CC2D1A: variants seen among roughly 807,000 people sequenced by gnomAD.
CC2D1A encodes the protein coiled-coil and C2 domain containing 1A, also known as coiled-coil and C2 domain-containing protein 1A.
Under a neutral mutation model 123.8 loss-of-function variants are expected in CC2D1A, and 68 were observed. That is an observed-to-expected ratio of 0.55 (90% CI 0.45 to 0.67). The LOEUF (loss-of-function observed/expected upper bound fraction) is 0.67, where lower values mean the gene tolerates loss of function less well. Ranked by LOEUF, CC2D1A falls within the 30% of genes least tolerant of loss-of-function variation. The probability of loss-of-function intolerance (pLI) is 0.00; values close to 1 mark genes in which losing one functional copy is unlikely to be tolerated. For synonymous variants in CC2D1A, 477 were observed against 528.0 expected, an observed-to-expected ratio of 0.90 and a Z score of 1.32; for missense variants, 1,185 against 1,290.3, an observed-to-expected ratio of 0.92 and a Z score of 1.25.
At chr19:13,919,484 T>C (rs553145203) in intron 11 of CC2D1A, among the ~76,000 whole-genome samples, 1 of 152,250 alleles carries the variant, frequency 6.6e-6, no homozygotes, top group Admixed American at 6.5e-5. Flanking sequence ...ATGTCTGTAA[T>C]CCCAGCACTT....
Position 13,923,149 on chromosome 19 carries a change from C to T in CC2D1A, c.1642-184C>T, listed in dbSNP as rs188454215. On this transcript the variant is annotated intron_variant, in intron 14 of 28. Transcript: ENST00000318003. This position sits in a 1 kb window ranked among gnomAD's most constrained non-coding sequence, Gnocchi z 5.3. ...TGGAAGTTGCAGTGAGCTGAGATCC[C>T]GCCATTGCACTCCAGCCTGGGCAAC... 1.3e-3 allele frequency among the ~76,000 whole-genome samples: 198 copies of T among 151,596 alleles called. No homozygotes were observed. Among genetic ancestry groups the T allele is most frequent in the East Asian group, 0.011 (55 of 5,152 alleles).
intron 1 of CC2D1A, among the ~76,000 whole-genome samples, chr19:13,907,301 C>T (rs750698439): frequency 6.6e-6 from 1 of 151,754 alleles, no homozygotes; most frequent in Non-Finnish European, 1.5e-5. Context: ...AGTACTACTA[C>T]TTGGGAGGCT....
chr19:13,913,262 G>A lies in CC2D1A; in HGVS notation c.473G>A (p.Gly158Glu). The change falls in exon 5 of 29, where the codon GGA (glycine) becomes GAA (glutamate). Residue 158 changes from glycine to glutamate, a missense_variant. Transcript: ENST00000318003. ...QTAIESARQA[G>E]DSAKMRRYDR... ...GCAATTGAAAGCGCCAGACAAGCTGGAGACAGCGCCAAGATGCGGCGCTAC... is the reference window on the plus strand; with the variant it reads ...GCAATTGAAAGCGCCAGACAAGCTGAAGACAGCGCCAAGATGCGGCGCTAC... 6.2e-7 allele frequency: 1 copy of A among 1,613,786 alleles called. No individual in the cohort carries two copies. Among genetic ancestry groups the A allele is most frequent in the South Asian group, 1.1e-5 (1 of 91,054 alleles).
chr19:13,910,384 G>C (rs1390795928), intron 2 of CC2D1A, among the ~76,000 whole-genome samples: 1 of 148,514 alleles, frequency 6.7e-6, no homozygotes, highest in African/African-American at 2.5e-5. Context: ...CTACAGCCTG[G>C]GCGACAGAGC....
intron 2 of CC2D1A, 138 bp downstream of exon 2, chr19:13,910,096 G>T: frequency 1.2e-6 from 1 of 827,306 alleles, no homozygotes; most frequent in Non-Finnish European, 1.7e-6. Context: ...ATCTGGGTAA[G>T]AGAGTCAAGA....
rs1209269357 is a variant in CC2D1A, at chr19:13,926,024, ATG to A, written c.1941-489_1941-488del. On this transcript the variant is annotated intron_variant, in intron 17 of 28. Coordinates refer to ENST00000318003, the MANE Select transcript of CC2D1A (RefSeq NM_017721.5). ...TGTATATATATATATACGTATATAT[ATG>A]TGTATATATATATATATACACGTAT... Among the ~76,000 whole-genome samples the A allele has an allele frequency of 3.5e-3, 366 of 105,928 alleles. 6 individuals carry two copies. The highest frequency in any genetic ancestry group is 0.018 in the African/African-American group (349 of 19,018). The allele number at this position is 105,928 out of a possible 152,430, so 69.5% of individuals were successfully genotyped here.
rs1039438380 is a variant in CC2D1A, at chr19:13,906,590, G to C, written c.60+89G>C. The C allele has an allele frequency of 6.3e-6, 5 of 787,664 alleles. No individual in the cohort carries two copies. In the South Asian group the frequency reaches 1.0e-4, roughly 16 times the overall value. The allele number at this position is 787,664 out of a possible 1,614,324, so 48.8% of individuals were successfully genotyped here. A position where few individuals can be genotyped will look rare whatever the true frequency, so the allele number is the denominator to read the frequency against. The stretch of plus-strand genomic sequence containing the variant: ...AGGGCCCCACCCCCCAGGGAAGCCC[G>C]ATCTCCGCCCCACAGGTAAGCCCCG... On this transcript the variant is annotated intron_variant, in intron 1 of 28. Transcript: ENST00000318003. This position sits in a 1 kb window ranked among gnomAD's most constrained non-coding sequence, Gnocchi z 4.1.
In CC2D1A at chr19:13,918,530, G is replaced by A; in HGVS notation, c.900G>A (p.Leu300=). Residue 300 remains leucine, a synonymous_variant, in exon 8 of 29, where the codon CTG becomes CTA. Transcript: ENST00000318003. Reference sequence around the variant, plus strand: ...GCTTTGATGCTGTCTTGGAGGCCCTGAGCCGGGGTGAGCCCGTGGACCTCT... The same window carrying A: ...GCTTTGATGCTGTCTTGGAGGCCCTAAGCCGGGGTGAGCCCGTGGACCTCT... ...AKSFDAVLEA[L]SRGEPVDLSC... 1 of 1,613,864 alleles carries A rather than the reference G, an allele frequency of 6.2e-7. No homozygotes were observed. The highest frequency in any genetic ancestry group is 8.5e-7 in the Non-Finnish European group (1 of 1,179,978).
chr19:13,906,525 A>C lies in CC2D1A; in HGVS notation c.60+24A>C, dbSNP rs1970739770. On this transcript the variant is annotated intron_variant, in intron 1 of 28. Coordinates refer to ENST00000318003, the MANE Select transcript of CC2D1A (RefSeq NM_017721.5). This position sits in a 1 kb window ranked among gnomAD's most constrained non-coding sequence, Gnocchi z 4.1. ...AGGTGAGTTTGCGCCCCACGGCCCG[A>C]CCTGGGGATCCCTCCCCACCCCCGT... 6.9e-7 allele frequency: 1 copy of C among 1,456,422 alleles called. No individual in the cohort carries two copies. Among genetic ancestry groups the C allele is most frequent in the Non-Finnish European group, 9.0e-7 (1 of 1,105,592 alleles). 90.2% of individuals were successfully genotyped at this position (1,456,422 alleles called of 1,614,324 possible). A position where few individuals can be genotyped will look rare whatever the true frequency, so the allele number is the denominator to read the frequency against.
In CC2D1A at chr19:13,923,555, T is replaced by C. The variant is rs774960536; in HGVS notation, c.1772T>C (p.Leu591Pro). 4.3e-6 allele frequency: 7 copies of C among 1,613,834 alleles called. No homozygotes were observed. Among genetic ancestry groups the C allele is most frequent in the Non-Finnish European group, 5.9e-6 (7 of 1,180,004 alleles). ...TGCCTTCTGTTTCCCCAGATGTGCC[T>C]GAACCACTCAAACCAATTCACCCAG... ...KLIRQQHEMC[L>P]NHSNQFTQLG... The change falls in exon 16 of 29, where the codon CTG becomes CCG. Residue 591 changes from leucine to proline, a missense_variant. Coordinates refer to ENST00000318003, the MANE Select transcript of CC2D1A (RefSeq NM_017721.5). The surrounding 1 kb of genome is among the most constrained non-coding windows in gnomAD (Gnocchi z 5.3).
At position 13,906,583 on chromosome 19, in the gene CC2D1A, GAAGCCCGATCTCCGCCCCACAGGT is replaced by G; in HGVS notation, c.60+89_60+112del. Reference sequence around the variant, plus strand: ...TCAGGGAAGGGCCCCACCCCCCAGGGAAGCCCGATCTCCGCCCCACAGGTAAGCCCCGGTCCCCGCCTCCCCCCA... The same window carrying G: ...TCAGGGAAGGGCCCCACCCCCCAGGGAAGCCCCGGTCCCCGCCTCCCCCCA... On this transcript the variant is annotated intron_variant, in intron 1 of 28. Coordinates refer to ENST00000318003, the MANE Select transcript of CC2D1A (RefSeq NM_017721.5). The surrounding 1 kb of genome is among the most constrained non-coding windows in gnomAD (Gnocchi z 4.1). 1.1e-6 allele frequency: 1 copy of G among 889,926 alleles called. No individual in the cohort carries two copies. The highest frequency in any genetic ancestry group is 1.6e-6 in the Non-Finnish European group (1 of 628,124). The allele number at this position is 889,926 out of a possible 1,614,324, so 55.1% of individuals were successfully genotyped here.
At position 13,920,941 on chromosome 19, in the gene CC2D1A, T is replaced by C. The variant is rs1420557339; in HGVS notation, c.1641+19T>C. On this transcript the variant is annotated intron_variant, in intron 14 of 28. Coordinates refer to ENST00000318003, the MANE Select transcript of CC2D1A (RefSeq NM_017721.5). ...CACCAAGGTGAACCTTCTGGGCTTG[T>C]GGGAACTGCCCAGGCACCCACTTGT... is the stretch of plus-strand genomic sequence containing the variant. 3.1e-6 allele frequency: 5 copies of C among 1,599,238 alleles called. No individual in the cohort carries two copies. Among genetic ancestry groups the C allele is most frequent in the African/African-American group, 1.3e-5 (1 of 74,522 alleles).
In CC2D1A at chr19:13,918,500, C is replaced by G; in HGVS notation, c.874-4C>G. On this transcript the variant is annotated splice_polypyrimidine_tract_variant and splice_region_variant and intron_variant, in intron 7 of 28. Transcript: ENST00000318003. ...TTCTTCTAATCTCCTCTTCCTTCTC[C>G]CAGAGCTTTGATGCTGTCTTGGAGG... 1 of 1,613,546 alleles carries G rather than the reference C, an allele frequency of 6.2e-7. No individual in the cohort carries two copies.
chr19:13,916,117 C>T (rs1029675220), intron 6 of CC2D1A, among the ~76,000 whole-genome samples: 1 of 152,022 alleles, frequency 6.6e-6, no homozygotes, highest in Non-Finnish European at 1.5e-5. Flanking sequence ...ATTAGCTGGG[C>T]GTGGTGGTGC....
rs1971876873 is a variant in CC2D1A, at chr19:13,930,685, G to T, written c.*290G>T. 8.1e-6 allele frequency: 4 copies of T among 494,436 alleles called. No individual in the cohort carries two copies. The Admixed American group carries it at 1.5e-4, about 19-fold the overall frequency. The allele number at this position is 494,436 out of a possible 1,614,324, so 30.6% of individuals were successfully genotyped here. Reference sequence around the variant, plus strand: ...GGCCCGCCCCGGAGCAGGGAGGGTGGCTGGGGCCAAGCCCCGAGGGCCCCT... The same window carrying T: ...GGCCCGCCCCGGAGCAGGGAGGGTGTCTGGGGCCAAGCCCCGAGGGCCCCT... On this transcript the variant is annotated 3_prime_UTR_variant, in exon 29 of 29. Coordinates refer to ENST00000318003, the MANE Select transcript of CC2D1A (RefSeq NM_017721.5). This position sits in a 1 kb window ranked among gnomAD's most constrained non-coding sequence, Gnocchi z 6.8.
At chr19:13,929,072 C>T (rs1263584367) in intron 24 of CC2D1A, among the ~76,000 whole-genome samples, 1 of 149,052 alleles carries the variant, frequency 6.7e-6, no homozygotes, top group Non-Finnish European at 1.5e-5. Flanking sequence ...GGTGTGATCT[C>T]GGCTCATTGC....
chr19:13,913,367 T>G, intron 5 of CC2D1A, 37 bp from the exon 6 acceptor site: 1 of 1,609,098 alleles, frequency 6.2e-7, no homozygotes, highest in African/African-American at 1.3e-5. Flanking sequence ...ACCAAGCTCT[T>G]GGCTTCTCCC....
chr19:13,926,928 A>G (rs1316117251), intron 20 of CC2D1A, 50 bp from the exon 21 acceptor site: 1 of 1,611,494 alleles, frequency 6.2e-7, no homozygotes, highest in East Asian at 2.2e-5. Flanking sequence ...AAGGGACATA[A>G]GACAATGGCC....
intron 14 of CC2D1A, 108 bp downstream of exon 14, chr19:13,921,030 A>G: frequency 9.6e-7 from 1 of 1,043,638 alleles, no homozygotes; most frequent in East Asian, 2.7e-5. Flanking sequence ...CAGCTGCTGT[A>G]ACAAATAGGT....
Sources: gnomAD v4.1 joint callset for allele counts (sites outside exome capture counted in the v4.1 genomes callset) on GRCh38, gnomAD v4.1.1 for gene constraint, Gnocchi (gnomAD v3.1) non-coding constraint, MANE v1.5 for transcripts, NCBI Gene and HGNC (gene_info 2026-07-23, HGNC 2026-07-21) for gene names.